NBPF10: variants seen among roughly 807,000 people sequenced by gnomAD.
NBPF10 encodes NBPF member 10, also known as NBPF family member NBPF10.
NBPF10 carries 63 observed loss-of-function variants against 77.9 expected under a neutral mutation model. The ratio of observed to expected loss-of-function variants is 0.81; its 90% confidence interval spans 0.66 to 1.00. The LOEUF is 1.00. NBPF10 is among the 50% of genes least tolerant of loss of function. The pLI, the probability that NBPF10 is intolerant of heterozygous loss-of-function variation, is 0.00. For synonymous variants in NBPF10, 146 were observed against 264.5 expected, an observed-to-expected ratio of 0.55 and a Z score of 4.35; for missense variants, 522 against 679.8, an observed-to-expected ratio of 0.77 and a Z score of 2.58.
At chr1:146,127,416 C>CTCA (rs1571197190) in intron 12 of NBPF10, among the ~76,000 whole-genome samples, 1 of 19,750 alleles carries the variant, frequency 5.1e-5, no homozygotes, top group East Asian at 9.1e-4. Flanking sequence ...TAAGCTTTCT[C>CTCA]TCATCAAATA....
chr1:146,142,809 A>G, intron 1 of NBPF10, 57 bp from the exon 2 acceptor site: 1 of 1,053,938 alleles, frequency 9.5e-7, no homozygotes, highest in African/African-American at 1.5e-5. Context: ...TGCTGTGGTC[A>G]CTGCCTACAG....
chr1:146,109,380 T>A (rs1384578662), intron 35 of NBPF10, among the ~76,000 whole-genome samples: 3 of 54,714 alleles, frequency 5.5e-5, no homozygotes, highest in African/African-American at 1.7e-4. Flanking sequence ...CAGTGAATTG[T>A]CCAGGTGACG....
chr1:146,066,747 A>C (rs1553777605), intron 89 of NBPF10, among the ~76,000 whole-genome samples, 186 bp from the exon 90 acceptor site: 1 of 151,424 alleles, frequency 6.6e-6, no homozygotes, highest in East Asian at 1.9e-4. Flanking sequence ...AAAACAATGA[A>C]AGAGAAAGAC....
rs1372951117 is a variant in NBPF10 at position 146,138,799 on chromosome 1, G to A, written c.779-354C>T. On this transcript the variant is annotated intron_variant, in intron 5 of 89. Coordinates refer to ENST00000583866, the Ensembl canonical transcript of NBPF10. ...TTTCTTTTTTGGTTTTTTGTTTTTT[G>A]TTTGAGACGGAGTCTCACTCTGTCA... is the stretch of plus-strand genomic sequence containing the variant. 1.8e-3 allele frequency among the ~76,000 whole-genome samples: 244 copies of A among 137,232 alleles called. 2 individuals carry two copies. The highest frequency in any genetic ancestry group is 5.8e-3 in the African/African-American group (231 of 39,518). The allele number at this position is 137,232 out of a possible 152,430, so 90.0% of individuals were successfully genotyped here. A position where few individuals can be genotyped will look rare whatever the true frequency, so the allele number is the denominator to read the frequency against.
At chr1:146,109,310 A>G (rs1202144228) in intron 35 of NBPF10, among the ~76,000 whole-genome samples, 196 bp from the exon 36 acceptor site, 120 of 93,982 alleles carry the variant, frequency 1.3e-3, no homozygotes, top group Admixed American at 2.7e-3. Context: ...AAAGACAGAT[A>G]GACACACACA....
In NBPF10 at chr1:146,126,234, A is replaced by T. The variant is rs781806098; in HGVS notation, c.2026+2T>A. On this transcript the variant is annotated splice_donor_variant, in intron 14 of 89. Transcript: ENST00000583866. LOFTEE classifies it high-confidence loss of function. ...TTATCACCTTCATAGAAAGGTACTC[A>T]CCATCCATGTCAATAGCCAAGCCAA... 6.2e-7 allele frequency: 1 copy of T among 1,600,756 alleles called. No individual in the cohort carries two copies. The highest frequency in any genetic ancestry group is 2.2e-5 in the East Asian group (1 of 44,776).
chr1:146,142,298 C>A (rs1191485374), intron 2 of NBPF10, among the ~76,000 whole-genome samples: 6 of 118,734 alleles, frequency 5.1e-5, no homozygotes, highest in African/African-American at 1.7e-4. Flanking sequence ...AAGACGCAGT[C>A]AGTCAGGAGG....
rs587624742 is a variant in NBPF10, at chr1:146,140,712, T to G, written c.494-156A>C. Among the ~76,000 whole-genome samples the G allele has an allele frequency of 3.5e-5, 4 of 113,404 alleles. 1 individual carries two copies. In the East Asian group the frequency reaches 1.2e-3, roughly 35 times the overall value. 74.4% of individuals were successfully genotyped at this position (113,404 alleles called of 152,430 possible). A position where few individuals can be genotyped will look rare whatever the true frequency, so the allele number is the denominator to read the frequency against. The stretch of plus-strand genomic sequence containing the variant: ...TTTCACAAAATGCCCTGGCATGGTT[T>G]CCTGCTCCATCGGGCAATGCATTTC... On this transcript the variant is annotated intron_variant, in intron 3 of 89. Transcript: ENST00000583866.
chr1:146,125,584 C>G lies in NBPF10; in HGVS notation c.2027-68G>C, dbSNP rs587706161. The G allele has an allele frequency of 6.6e-6, 4 of 601,956 alleles. No homozygotes were observed. The Admixed American group carries it at 8.1e-5, about 12-fold the overall frequency. 37.3% of individuals were successfully genotyped at this position (601,956 alleles called of 1,614,324 possible). A position where few individuals can be genotyped will look rare whatever the true frequency, so the allele number is the denominator to read the frequency against. On this transcript the variant is annotated intron_variant, in intron 14 of 89. Transcript: ENST00000583866. ...TCCTACACACATAACAATCCACTGT[C>G]TAATCCTCACACAGGGACTTCAGGC...
chr1:146,136,077 T>G (rs1190167045), intron 7 of NBPF10, among the ~76,000 whole-genome samples: 4 of 148,928 alleles, frequency 2.7e-5, no homozygotes, highest in African/African-American at 7.5e-5. Flanking sequence ...AATGCTGCTG[T>G]GTGGTTCACA....
At chr1:146,066,692 A>G (rs1202173336) in intron 89 of NBPF10, 131 bp from the exon 90 acceptor site, 5 of 574,860 alleles carry the variant, frequency 8.7e-6, no homozygotes, top group Non-Finnish European at 1.5e-5. Flanking sequence ...TGAGGTAAAA[A>G]AAAAATTTAT....
At chr1:146,123,748 G>A (rs1658361198) in intron 17 of NBPF10, among the ~76,000 whole-genome samples, 179 bp downstream of exon 17, 1 of 55,734 alleles carries the variant, frequency 1.8e-5, no homozygotes, top group Non-Finnish European at 3.1e-5. Flanking sequence ...AAATGATAAG[G>A]GGAGGAAGAA....
chr1:146,067,914 C>G lies in NBPF10; in HGVS notation c.11035+89G>C, dbSNP rs868995559. 614 of 706,036 alleles carry G rather than the reference C, an allele frequency of 8.7e-4. 2 individuals carry two copies. In the African/African-American group the frequency reaches 9.3e-3, roughly 11 times the overall value. The allele number at this position is 706,036 out of a possible 1,614,324, so 43.7% of individuals were successfully genotyped here. A position where few individuals can be genotyped will look rare whatever the true frequency, so the allele number is the denominator to read the frequency against. On this transcript the variant is annotated intron_variant, in intron 88 of 89. Coordinates refer to ENST00000583866, the Ensembl canonical transcript of NBPF10. Reference sequence around the variant, plus strand: ...TCCTGCCTGCGGCAATGACGTCTCTCGGGTCAGCAAGGGCCACTTGGAATA... The same window carrying G: ...TCCTGCCTGCGGCAATGACGTCTCTGGGGTCAGCAAGGGCCACTTGGAATA...
exon 86 of NBPF10, chr1:146,069,649 A>G (rs781900554): frequency 7.2e-6 from 11 of 1,521,088 alleles, no homozygotes; most frequent in African/African-American, 1.5e-5. Context: ...AAGGAGTTGA[A>G]TAACATCTAT....
At chr1:146,069,579 C>G (rs782331956) in exon 86 of NBPF10, 4 of 1,406,926 alleles carry the variant, frequency 2.8e-6, no homozygotes, top group Non-Finnish European at 3.9e-6. Context: ...CGCTGTTGCT[C>G]CAATACATAA....
exon 14 of NBPF10, chr1:146,126,371 C>G (rs1343975192): frequency 8.7e-6 from 12 of 1,379,932 alleles, no homozygotes; most frequent in Non-Finnish European, 1.2e-5. Flanking sequence ...TCCTGCAAGA[C>G]TTCAGGCCCT....
chr1:146,125,999 G>A (rs75733520), intron 14 of NBPF10, among the ~76,000 whole-genome samples: 1 of 151,730 alleles, frequency 6.6e-6, no homozygotes, highest in African/African-American at 2.4e-5. Context: ...AACATCTTGA[G>A]AGTAGGATTA....
chr1:146,129,840 A>G (rs1659105963), intron 11 of NBPF10, among the ~76,000 whole-genome samples: 1 of 77,600 alleles, frequency 1.3e-5, no homozygotes, highest in Non-Finnish European at 2.5e-5. Flanking sequence ...GCAATATTCA[A>G]CATTCTTTTT....
chr1:146,126,234 A>C lies in NBPF10; in HGVS notation c.2026+2T>G, dbSNP rs781806098. On this transcript the variant is annotated splice_donor_variant, in intron 14 of 89. Transcript: ENST00000583866. LOFTEE classifies it high-confidence loss of function. ...TTATCACCTTCATAGAAAGGTACTCACCATCCATGTCAATAGCCAAGCCAA... is the reference window on the plus strand; with the variant it reads ...TTATCACCTTCATAGAAAGGTACTCCCCATCCATGTCAATAGCCAAGCCAA... The C allele has an allele frequency of 5.0e-6, 8 of 1,600,640 alleles. No individual in the cohort carries two copies. The Admixed American group carries it at 1.2e-4, about 23-fold the overall frequency.
Sources: allele counts gnomAD v4.1 joint callset (sites outside exome capture counted in the v4.1 genomes callset), GRCh38; gene constraint gnomAD v4.1.1; transcripts MANE v1.5; gene names NCBI Gene and HGNC (gene_info 2026-07-23, HGNC 2026-07-21).